Variants in EEIG1 observed in about 807,000 individuals in gnomAD.
The protein encoded by EEIG1 is estrogen-induced osteoclastogenesis regulator 1.
At chr9:127,966,839 G>A in the EEIG1 span, among the ~76,000 whole-genome samples, 3 of 152,216 alleles carry the variant, frequency 2.0e-5, no homozygotes, top group East Asian at 5.8e-4. Flanking sequence ...CACTTGGGGA[G>A]TCCAGGCAGT....
chr9:127,976,192 G>A, the EEIG1 span, among the ~76,000 whole-genome samples: 1 of 152,172 alleles, frequency 6.6e-6, no homozygotes, highest in Non-Finnish European at 1.5e-5. The surrounding 1 kb of genome is among the most constrained non-coding windows in gnomAD (Gnocchi z 4.1). Context: ...TGCCATCAAG[G>A]CAAGACAGGG....
chr9:127,952,046 G>C, the EEIG1 span, among the ~76,000 whole-genome samples: 1 of 152,208 alleles, frequency 6.6e-6, no homozygotes, highest in Non-Finnish European at 1.5e-5. Context: ...TGCCTGCCAT[G>C]TGCTGGGTGC....
At chr9:127,955,559 C>T in the EEIG1 span, among the ~76,000 whole-genome samples, 1 of 152,226 alleles carries the variant, frequency 6.6e-6, no homozygotes, top group Non-Finnish European at 1.5e-5. Context: ...CTGGGATGAG[C>T]CACTGCAGAC....
At chr9:127,957,929 C>T in the EEIG1 span, among the ~76,000 whole-genome samples, 1 of 152,254 alleles carries the variant, frequency 6.6e-6, no homozygotes, top group South Asian at 2.1e-4. Context: ...ACAAGACTCA[C>T]TTGAACCCAG....
At chr9:127,966,465 T>G in the EEIG1 span, among the ~76,000 whole-genome samples, 2 of 145,708 alleles carry the variant, frequency 1.4e-5, no homozygotes, top group African/African-American at 2.5e-5. Context: ...AAAAAGCCCA[T>G]GCAGGCAGGT....
At chr9:127,954,677 G>A in the EEIG1 span, among the ~76,000 whole-genome samples, 3 of 152,120 alleles carry the variant, frequency 2.0e-5, no homozygotes, top group East Asian at 1.9e-4. Flanking sequence ...CTGGGGGCCC[G>A]GAGGCTAAGA....
chr9:127,980,191 G>C, the EEIG1 span: 2 of 1,554,974 alleles, frequency 1.3e-6, no homozygotes, highest in Non-Finnish European at 1.8e-6. Context: ...GGAGAGGGAC[G>C]GGATTCCTTT....
At chr9:127,954,482 A>G in the EEIG1 span, among the ~76,000 whole-genome samples, 132,277 of 152,156 alleles carry the variant, frequency 0.87, 58,589 homozygotes, top group Non-Finnish European at 0.97. Flanking sequence ...AACAACAATG[A>G]CAATAGTAAC....
the EEIG1 span, among the ~76,000 whole-genome samples, chr9:127,979,794 C>G: frequency 6.6e-6 from 1 of 152,230 alleles, no homozygotes; most frequent in African/African-American, 2.4e-5. Context: ...GACTAGACCC[C>G]CAGGTATTTG....
chr9:127,980,144 G>C, the EEIG1 span: 2 of 1,611,132 alleles, frequency 1.2e-6, no homozygotes, highest in Non-Finnish European at 8.5e-7. Context: ...CCATGAGCGA[G>C]TTCCCTGAGT....
At chr9:127,948,140 C>G in the EEIG1 span, 2 of 1,613,922 alleles carry the variant, frequency 1.2e-6, no homozygotes, top group Middle Eastern at 1.7e-4. Context: ...CTGCTGCCCC[C>G]ACTGCTGGTC....
the EEIG1 span, among the ~76,000 whole-genome samples, chr9:127,977,574 C>G: frequency 6.6e-5 from 10 of 152,312 alleles, no homozygotes; most frequent in African/African-American, 2.4e-4. Context: ...ACCAAAGACC[C>G]GGAAAGGGCT....
the EEIG1 span, among the ~76,000 whole-genome samples, chr9:127,951,826 A>AG: frequency 1.7e-4 from 26 of 151,420 alleles, no homozygotes; most frequent in Admixed American, 1.2e-3. Flanking sequence ...AAAAAAAAAA[A>AG]AAAAAGAAAA....
At chr9:127,948,346 C>G in the EEIG1 span, 1 of 1,613,896 alleles carries the variant, frequency 6.2e-7, no homozygotes, top group African/African-American at 1.3e-5. Flanking sequence ...CATCCGCTCC[C>G]TAGGCCTGTG....
chr9:127,972,507 T>C, the EEIG1 span: 1 of 152,336 alleles, frequency 6.6e-6, no homozygotes, highest in African/African-American at 2.4e-5. This position sits in a 1 kb window ranked among gnomAD's most constrained non-coding sequence, Gnocchi z 4.3. Context: ...TATCTCACCA[T>C]GTCCTCTGAG....
the EEIG1 span, among the ~76,000 whole-genome samples, chr9:127,980,848 G>A: frequency 6.7e-6 from 1 of 149,154 alleles, no homozygotes; most frequent in Non-Finnish European, 1.5e-5. Flanking sequence ...GACCCGCGCC[G>A]CGGGCCCCGG....
At chr9:127,968,548 T>A in the EEIG1 span, among the ~76,000 whole-genome samples, 4 of 152,234 alleles carry the variant, frequency 2.6e-5, no homozygotes, top group African/African-American at 9.6e-5. Flanking sequence ...ATACCCCTGC[T>A]CCCGTAAGGG....
chr9:127,955,307 G>A, the EEIG1 span, among the ~76,000 whole-genome samples: 2 of 152,142 alleles, frequency 1.3e-5, no homozygotes, highest in Admixed American at 1.3e-4. Flanking sequence ...CCCTTCTACT[G>A]CTGAGGGCAC....
At chr9:127,973,373 G>A in the EEIG1 span, among the ~76,000 whole-genome samples, 1 of 152,196 alleles carries the variant, frequency 6.6e-6, no homozygotes, top group Admixed American at 6.5e-5. The surrounding 1 kb of genome is among the most constrained non-coding windows in gnomAD (Gnocchi z 4.2). Context: ...GACAAGCAGG[G>A]CCCTCAGGCA....
Sources: gnomAD v4.1 joint callset for allele counts (sites outside exome capture counted in the v4.1 genomes callset) on GRCh38, gnomAD v4.1.1 for gene constraint, Gnocchi (gnomAD v3.1) non-coding constraint, MANE v1.5 for transcripts, NCBI Gene and HGNC (gene_info 2026-07-23, HGNC 2026-07-21) for gene names.